The following CERS6 variants were observed in gnomAD, a reference collection of about 807,000 sequenced individuals.
CERS6 encodes the protein LAG1 homolog, ceramide synthase 6.
In CERS6, 26 loss-of-function variants were observed where a neutral mutation model predicts 56.8. The observed-to-expected ratio is 0.46, with a 90% CI of 0.34 to 0.63. The LOEUF (loss-of-function observed/expected upper bound fraction) is 0.63. Ranked by LOEUF, CERS6 falls within the 30% of genes least tolerant of loss-of-function variation. CERS6 has a pLI of 0.01. For missense variants in CERS6, 415 were observed against 467.5 expected (o/e 0.89, Z 1.04); for synonymous variants, 164 against 173.3 (o/e 0.95, Z 0.42).
chr2:168,523,132 A>C (rs1301876112), intron 1 of CERS6, among the ~76,000 whole-genome samples: 1 of 152,214 alleles, frequency 6.6e-6, no homozygotes, highest in Non-Finnish European at 1.5e-5. Context: ...CACTAGCTTT[A>C]CAAAGCCATA....
chr2:168,651,836 G>T (rs976527684), intron 4 of CERS6, among the ~76,000 whole-genome samples: 1 of 152,150 alleles, frequency 6.6e-6, no homozygotes, highest in Admixed American at 6.5e-5. Flanking sequence ...CCTAACATAC[G>T]TAAGCCCTCA....
At chr2:168,512,730 T>G (rs1694811371) in intron 1 of CERS6, among the ~76,000 whole-genome samples, 1 of 150,362 alleles carries the variant, frequency 6.7e-6, no homozygotes, top group Admixed American at 6.6e-5. Context: ...TGCAATGGCA[T>G]GATCTTGGCT....
intron 1 of CERS6, among the ~76,000 whole-genome samples, chr2:168,546,735 G>A (rs888782411): frequency 3.3e-5 from 5 of 152,176 alleles, no homozygotes; most frequent in Admixed American, 1.3e-4. Flanking sequence ...AATATTAAAT[G>A]TTACTACTGA....
At position 168,765,746 on chromosome 2, in the gene CERS6, A is replaced by G. The variant is rs1684714631; in HGVS notation, c.1000A>G (p.Lys334Glu). ...KIACKAVSRG[K>E]VSKDDRSDIE... ...AGCTTGCAAAGCTGTTTCAAGAGGC[A>G]AGGTAAGCTACAACTCACTTTTTCC... Residue 334 changes from lysine (K) to glutamate (E), a missense_variant and splice_region_variant, in exon 9 of 10, where the codon AAG becomes GAG. Transcript: ENST00000305747. 1 of 1,608,876 alleles carries G rather than the reference A, an allele frequency of 6.2e-7. No individual in the cohort carries two copies. The highest frequency in any genetic ancestry group is 1.3e-5 in the African/African-American group (1 of 74,884).
intron 8 of CERS6, among the ~76,000 whole-genome samples, chr2:168,721,786 T>A (rs1683179425): frequency 6.6e-6 from 1 of 151,744 alleles, no homozygotes; most frequent in African/African-American, 2.4e-5. Flanking sequence ...ACCCAGCTGA[T>A]TTATTTATTT....
intron 6 of CERS6, among the ~76,000 whole-genome samples, chr2:168,707,793 G>A (rs1318681521): frequency 2.0e-5 from 3 of 152,078 alleles, no homozygotes; most frequent in Non-Finnish European, 4.4e-5. Context: ...TTATTATTTA[G>A]CCATTGTCTT....
intron 4 of CERS6, among the ~76,000 whole-genome samples, chr2:168,642,926 C>T (rs2105307926): frequency 6.6e-6 from 1 of 152,274 alleles, no homozygotes; most frequent in South Asian, 2.1e-4. Context: ...ATAGCAGACC[C>T]TTGATTAGGG....
chr2:168,613,097 G>T (rs1684227695), intron 3 of CERS6, among the ~76,000 whole-genome samples: 1 of 152,210 alleles, frequency 6.6e-6, no homozygotes, highest in African/African-American at 2.4e-5. Context: ...TGGGATAAAG[G>T]GGGGTTGAAG....
chr2:168,747,966 T>A (rs536024327), intron 8 of CERS6, among the ~76,000 whole-genome samples: 1 of 152,348 alleles, frequency 6.6e-6, no homozygotes, highest in South Asian at 2.1e-4. Flanking sequence ...ATTATTAATA[T>A]GGGAGAACAT....
chr2:168,753,685 T>C (rs895858904), intron 8 of CERS6, among the ~76,000 whole-genome samples: 4 of 152,234 alleles, frequency 2.6e-5, no homozygotes, highest in Non-Finnish European at 5.9e-5. Flanking sequence ...TTTCTCTTTT[T>C]AGCAGCACTT....
At chr2:168,561,853 A>G (rs1695795538) in intron 3 of CERS6, among the ~76,000 whole-genome samples, 1 of 152,208 alleles carries the variant, frequency 6.6e-6, no homozygotes. Flanking sequence ...TGAACTTTAT[A>G]TAGTGTATAA....
In CERS6 at chr2:168,516,778, C is replaced by T. The variant is rs73018588; in HGVS notation, c.171-30818C>T. ...CCAAACCCGCCCATGTGTGAAGCCT[C>T]TACCTTTTCTTATGCTTTCTACATG... On this transcript the variant is annotated intron_variant, in intron 1 of 9. Transcript: ENST00000305747. 9.9e-3 allele frequency among the ~76,000 whole-genome samples: 1,502 copies of T among 152,284 alleles called. 22 individuals are homozygous for T. The highest frequency in any genetic ancestry group is 0.033 in the African/African-American group (1,390 of 41,564).
At chr2:168,552,489 A>G (rs559261686) in intron 2 of CERS6, among the ~76,000 whole-genome samples, 1 of 152,174 alleles carries the variant, frequency 6.6e-6, no homozygotes, top group Non-Finnish European at 1.5e-5. Context: ...TTCAAAACAT[A>G]TAAAGGCTAC....
intron 8 of CERS6, among the ~76,000 whole-genome samples, chr2:168,760,272 A>T (rs1469772968): frequency 6.6e-6 from 1 of 152,214 alleles, no homozygotes; most frequent in Non-Finnish European, 1.5e-5. Context: ...TCCGAGTCTC[A>T]AAACTGAAGA....
chr2:168,671,829 T>C (rs1437043561), intron 4 of CERS6, among the ~76,000 whole-genome samples: 3 of 152,220 alleles, frequency 2.0e-5, no homozygotes, highest in African/African-American at 7.2e-5. Flanking sequence ...AGGTGACTAG[T>C]AATATTTAAG....
intron 1 of CERS6, among the ~76,000 whole-genome samples, chr2:168,457,479 C>G (rs901064648): frequency 6.6e-6 from 1 of 152,178 alleles, no homozygotes; most frequent in African/African-American, 2.4e-5. Context: ...CGTCGCGAAA[C>G]TAGATTGTGC....
At chr2:168,554,698 GA>G (rs1237993805) in intron 2 of CERS6, among the ~76,000 whole-genome samples, 14 of 152,078 alleles carry the variant, frequency 9.2e-5, no homozygotes, top group Non-Finnish European at 1.6e-4. Context: ...AGCAGCCATA[GA>G]AAAACAATGC....
chr2:168,682,726 T>C (rs1686251458), intron 4 of CERS6, among the ~76,000 whole-genome samples: 1 of 152,204 alleles, frequency 6.6e-6, no homozygotes, highest in Non-Finnish European at 1.5e-5. Flanking sequence ...ATCCCTGTCC[T>C]GTGTTGAGAC....
At chr2:168,526,065 A>G (rs897733618) in intron 1 of CERS6, among the ~76,000 whole-genome samples, 6 of 151,386 alleles carry the variant, frequency 4.0e-5, no homozygotes, top group Admixed American at 3.3e-4. Flanking sequence ...ATTACAATAA[A>G]TCAAGAGAAT....
Sources: gnomAD v4.1 joint callset for allele counts (sites outside exome capture counted in the v4.1 genomes callset) on GRCh38, gnomAD v4.1.1 for gene constraint, MANE v1.5 for transcripts, NCBI Gene and HGNC (gene_info 2026-07-23, HGNC 2026-07-21) for gene names.